Variants in PCDHGA8 observed in about 807,000 individuals in gnomAD.
PCDHGA8 encodes the protein protocadherin gamma subfamily A, 8, also known as protocadherin gamma-A8.
A neutral mutation model predicts 59.2 loss-of-function variants in PCDHGA8; 45 were observed. That is an observed-to-expected ratio of 0.76 (90% confidence interval 0.60 to 0.98). The LOEUF is 0.98. Among genes scored for constraint, PCDHGA8 ranks in the 50% least tolerant of loss-of-function variants. The pLI, the probability that PCDHGA8 is intolerant of heterozygous loss-of-function variation, is 0.00. For synonymous variants in PCDHGA8, 531 were observed against 519.0 expected, an observed-to-expected ratio of 1.02 and a Z score of -0.32; for missense variants, 1,257 against 1,196.2, an observed-to-expected ratio of 1.05 and a Z score of -0.75.
intron 3 of PCDHGA8, among the ~76,000 whole-genome samples, chr5:141,507,571 G>A (rs2099861692): frequency 6.6e-6 from 1 of 152,254 alleles, no homozygotes; most frequent in Non-Finnish European, 1.5e-5. Flanking sequence ...TGGGTCTGAG[G>A]AGATGCCAAG....
chr5:141,452,749 G>A (rs1453824335), intron 1 of PCDHGA8, among the ~76,000 whole-genome samples: 1 of 152,052 alleles, frequency 6.6e-6, no homozygotes, highest in African/African-American at 2.4e-5. Flanking sequence ...AGAGAAGGAA[G>A]AAGGAAGGGA....
intron 1 of PCDHGA8, chr5:141,400,218 G>C (rs2093982352): frequency 6.2e-7 from 1 of 1,613,932 alleles, no homozygotes; most frequent in Admixed American, 1.7e-5. Context: ...TGATCTCAGT[G>C]CTCTTCCTCC....
Position 141,423,157 on chromosome 5 carries a change from G to C in PCDHGA8, c.2424+27920G>C, listed in dbSNP as rs527921011. The C allele has an allele frequency of 7.4e-6, 12 of 1,610,820 alleles. No homozygotes were observed. The South Asian group carries it at 1.2e-4, about 16-fold the overall frequency. ...CAGAGACGCGCTCAAGCAGAGCCTC[G>C]TGGTGGCCGTCCAGGACCACGGCCA... On this transcript the variant is annotated intron_variant, in intron 1 of 3. Coordinates refer to ENST00000398604, the MANE Select transcript of PCDHGA8 (RefSeq NM_032088.2).
At chr5:141,406,244 G>C (rs1214749681) in intron 1 of PCDHGA8, among the ~76,000 whole-genome samples, 1 of 151,936 alleles carries the variant, frequency 6.6e-6, no homozygotes, top group Non-Finnish European at 1.5e-5. Context: ...ATGTTGCCCA[G>C]ACTGGTCTCA....
intron 1 of PCDHGA8, among the ~76,000 whole-genome samples, chr5:141,435,561 T>A (rs2154556722): frequency 6.6e-6 from 1 of 152,294 alleles, no homozygotes; most frequent in South Asian, 2.1e-4. Flanking sequence ...TGAGTGCTTT[T>A]TTTAGTACTG....
intron 1 of PCDHGA8, chr5:141,408,720 A>G (rs1325828281): frequency 6.2e-7 from 1 of 1,611,214 alleles, no homozygotes; most frequent in African/African-American, 1.3e-5. Context: ...TATAAGATAA[A>G]CTCTAATCCT....
In PCDHGA8 at chr5:141,433,401, A is replaced by ATCTC. The variant is rs1554126038; in HGVS notation, c.2424+38167_2424+38168insCTCT. On this transcript the variant is annotated intron_variant, in intron 1 of 3. Transcript: ENST00000398604. ...TATCTATCTATCTATCTATCTATCT[A>ATCTC]TCTATTACTTTCTTGTACAGACAGG... Among the ~76,000 whole-genome samples, 677 of 150,598 alleles carry ATCTC rather than the reference A, an allele frequency of 4.5e-3. 6 individuals are homozygous for ATCTC. Among genetic ancestry groups the ATCTC allele is most frequent in the African/African-American group, 0.015 (630 of 40,958 alleles).
In PCDHGA8 at chr5:141,491,354, C is replaced by T. The variant is rs2099710960; in HGVS notation, c.2425-3453C>T. The T allele has an allele frequency of 6.2e-7, 1 of 1,614,166 alleles. No homozygotes were observed. Among genetic ancestry groups the T allele is most frequent in the South Asian group, 1.1e-5 (1 of 91,088 alleles). On this transcript the variant is annotated intron_variant, in intron 1 of 3. Coordinates refer to ENST00000398604, the MANE Select transcript of PCDHGA8 (RefSeq NM_032088.2). This position sits in a 1 kb window ranked among gnomAD's most constrained non-coding sequence, Gnocchi z 6.9. ...GCTCTAGCGACCGTCAGTCTCTTAT[C>T]CCTAGTCACCTTCACCTTTCTGTCA...
Position 141,477,197 on chromosome 5 carries a change from G to C in PCDHGA8, c.2425-17610G>C, listed in dbSNP as rs781504885. 6.2e-7 allele frequency: 1 copy of C among 1,614,210 alleles called. No homozygotes were observed. Among genetic ancestry groups the C allele is most frequent in the South Asian group, 1.1e-5 (1 of 91,082 alleles). On this transcript the variant is annotated intron_variant, in intron 1 of 3. Transcript: ENST00000398604. The surrounding 1 kb of genome is among the most constrained non-coding windows in gnomAD (Gnocchi z 4.9). ...CACAGTCACCTCCGTGTACAGCCCA[G>C]TACCCGAGGATGCCCCTCTGGGGAC...
chr5:141,497,237 T>C (rs933112169), intron 2 of PCDHGA8, among the ~76,000 whole-genome samples: 3 of 152,038 alleles, frequency 2.0e-5, no homozygotes, highest in Non-Finnish European at 4.4e-5. Context: ...AGAAGGCTTC[T>C]AGGAGGAGGT....
chr5:141,414,789 C>T, intron 1 of PCDHGA8: 1 of 1,614,218 alleles, frequency 6.2e-7, no homozygotes, highest in East Asian at 2.2e-5. Context: ...AGGTGACAGC[C>T]AGCGACAGCG....
chr5:141,402,895 A>G, intron 1 of PCDHGA8: 1 of 1,505,744 alleles, frequency 6.6e-7, no homozygotes, highest in South Asian at 1.4e-5. Context: ...GGAAGAAAGA[A>G]CCTGATGAAG....
At position 141,489,910 on chromosome 5, in the gene PCDHGA8, G is replaced by T; in HGVS notation, c.2425-4897G>T. ...GGATGGGGGGACCCCAGCCCGCTCA[G>T]GGACCACCCTTATCTCTGTCATCGT... On this transcript the variant is annotated intron_variant, in intron 1 of 3. Transcript: ENST00000398604. This position sits in a 1 kb window ranked among gnomAD's most constrained non-coding sequence, Gnocchi z 4.5. 1 of 1,614,226 alleles carries T rather than the reference G, an allele frequency of 6.2e-7. No homozygotes were observed. The highest frequency in any genetic ancestry group is 8.5e-7 in the Non-Finnish European group (1 of 1,180,030).
At position 141,431,338 on chromosome 5, in the gene PCDHGA8, A is replaced by G; in HGVS notation, c.2424+36101A>G. On this transcript the variant is annotated intron_variant, in intron 1 of 3. Transcript: ENST00000398604. This position sits in a 1 kb window ranked among gnomAD's most constrained non-coding sequence, Gnocchi z 4.8. ...GAGCCGACGGTAGTAAGTACCCCGA[A>G]TTGGTGCTGAAACGCGCCCTGGACC... 1 of 1,614,068 alleles carries G rather than the reference A, an allele frequency of 6.2e-7. No homozygotes were observed. The highest frequency in any genetic ancestry group is 8.5e-7 in the Non-Finnish European group (1 of 1,180,032).
intron 1 of PCDHGA8, chr5:141,400,190 T>C: frequency 1.2e-6 from 2 of 1,614,016 alleles, no homozygotes; most frequent in Non-Finnish European, 1.7e-6. Context: ...CAGTTTTACC[T>C]AGTGGTGGCC....
intron 1 of PCDHGA8, chr5:141,405,437 T>C: frequency 7.0e-7 from 1 of 1,433,230 alleles, no homozygotes; most frequent in Non-Finnish European, 9.6e-7. Flanking sequence ...GTTTTGTTTT[T>C]GAGACAGAGT....
chr5:141,404,798 C>T (rs1422774939), intron 1 of PCDHGA8: 2 of 1,613,842 alleles, frequency 1.2e-6, no homozygotes, highest in Admixed American at 1.7e-5. Context: ...TGAGCCAGGG[C>T]TCTTCTCGGT....
intron 1 of PCDHGA8, chr5:141,414,476 C>G (rs1242647918): frequency 6.2e-7 from 1 of 1,613,920 alleles, no homozygotes; most frequent in Non-Finnish European, 8.5e-7. Context: ...GGGGGAAGTC[C>G]TCCTCTATCA....
At position 141,490,561 on chromosome 5, in the gene PCDHGA8, A is replaced by C. The variant is rs2099701634; in HGVS notation, c.2425-4246A>C. The stretch of plus-strand genomic sequence containing the variant: ...TTCCCTACACAAACATCTCACCATC[A>C]GGCTCAACATTTCAGATGTCAATGA... On this transcript the variant is annotated intron_variant, in intron 1 of 3. Transcript: ENST00000398604. The surrounding 1 kb of genome is among the most constrained non-coding windows in gnomAD (Gnocchi z 5.4). The C allele has an allele frequency of 1.2e-6, 2 of 1,614,090 alleles. No homozygotes were observed. The highest frequency in any genetic ancestry group is 1.7e-4 in the Middle Eastern group (1 of 6,060).
Sources: gnomAD v4.1 joint callset for allele counts (sites outside exome capture counted in the v4.1 genomes callset) on GRCh38, gnomAD v4.1.1 for gene constraint, Gnocchi (gnomAD v3.1) non-coding constraint, MANE v1.5 for transcripts, NCBI Gene and HGNC (gene_info 2026-07-23, HGNC 2026-07-21) for gene names.